OSBPL1A: variants seen among roughly 807,000 people sequenced by gnomAD.
OSBPL1A encodes the protein oxysterol binding protein like 1A.
In OSBPL1A, 80 loss-of-function variants were observed where a neutral mutation model predicts 137.1. The ratio of observed to expected loss-of-function variants is 0.58; its 90% CI spans 0.49 to 0.70. OSBPL1A has a LOEUF of 0.70. OSBPL1A is among the 30% of genes least tolerant of loss of function. The pLI is 0.00. For synonymous variants in OSBPL1A, 365 were observed against 389.7 expected (o/e 0.94, Z 0.75); for missense variants, 970 against 1,129.4 (o/e 0.86, Z 2.02).
intron 5 of OSBPL1A, among the ~76,000 whole-genome samples, chr18:24,340,720 C>T (rs756305647): frequency 5.9e-5 from 9 of 152,008 alleles, no homozygotes; most frequent in East Asian, 1.9e-4. Context: ...GCAGGAGAAT[C>T]GCTTGAACCC....
At chr18:24,336,610 A>G (rs533321622) in intron 5 of OSBPL1A, among the ~76,000 whole-genome samples, 1 of 152,348 alleles carries the variant, frequency 6.6e-6, no homozygotes, top group African/African-American at 2.4e-5. Context: ...AGCAAATGCT[A>G]CAAATCCAAA....
chr18:24,231,509 T>C (rs146133324), intron 16 of OSBPL1A, among the ~76,000 whole-genome samples: 4 of 152,304 alleles, frequency 2.6e-5, no homozygotes, highest in African/African-American at 9.6e-5. Flanking sequence ...AGGCTGGTCT[T>C]GAACTCCGGA....
intron 1 of OSBPL1A, among the ~76,000 whole-genome samples, chr18:24,384,323 C>T (rs567577438): frequency 3.7e-4 from 57 of 152,322 alleles, no homozygotes; most frequent in Middle Eastern, 3.4e-3. Flanking sequence ...CCTGTAATCC[C>T]GGCACTTTGG....
chr18:24,204,146 G>T (rs188775578), intron 17 of OSBPL1A, among the ~76,000 whole-genome samples: 1 of 152,138 alleles, frequency 6.6e-6, no homozygotes, highest in African/African-American at 2.4e-5. Flanking sequence ...TAACAATTTC[G>T]TATCTCACCA....
chr18:24,394,222 A>G (rs546060614), intron 1 of OSBPL1A, among the ~76,000 whole-genome samples: 1 of 152,196 alleles, frequency 6.6e-6, no homozygotes, highest in Non-Finnish European at 1.5e-5. Flanking sequence ...TCTCTTATTC[A>G]TATCCATTCC....
At chr18:24,282,755 T>G (rs933680953) in intron 14 of OSBPL1A, among the ~76,000 whole-genome samples, 4 of 152,182 alleles carry the variant, frequency 2.6e-5, no homozygotes, top group Non-Finnish European at 5.9e-5. Context: ...ATTTAAGAAG[T>G]CTTTTCATCA....
chr18:24,289,660 A>G (rs1212699958), intron 14 of OSBPL1A, among the ~76,000 whole-genome samples: 3 of 151,996 alleles, frequency 2.0e-5, no homozygotes, highest in African/African-American at 7.3e-5. Context: ...ACCTCAGGTG[A>G]TCTGCCGCCT....
chr18:24,317,002 T>G lies in OSBPL1A; in HGVS notation c.870+147A>C, dbSNP rs958337102. On this transcript the variant is annotated intron_variant, in intron 11 of 27. Transcript: ENST00000319481. Reference sequence around the variant, plus strand: ...AAAATGGAGATGCCACGACTTTACTTGTTATCAAATTAAAATATATACAAG... The same window carrying G: ...AAAATGGAGATGCCACGACTTTACTGGTTATCAAATTAAAATATATACAAG... 1.1e-5 allele frequency: 8 copies of G among 704,346 alleles called. No homozygotes were observed. The African/African-American group carries it at 1.4e-4, about 13-fold the overall frequency. 43.6% of individuals were successfully genotyped at this position (704,346 alleles called of 1,614,324 possible). A position where few individuals can be genotyped will look rare whatever the true frequency, so the allele number is the denominator to read the frequency against.
At chr18:24,315,823 T>G (rs1305980877) in intron 11 of OSBPL1A, among the ~76,000 whole-genome samples, 1 of 114,050 alleles carries the variant, frequency 8.8e-6, no homozygotes, top group Non-Finnish European at 1.7e-5. Flanking sequence ...ATAAAATATA[T>G]AATATATAGT....
chr18:24,279,428 CA>C (rs971710133), intron 15 of OSBPL1A, among the ~76,000 whole-genome samples: 6 of 145,704 alleles, frequency 4.1e-5, no homozygotes, highest in African/African-American at 5.0e-5. Flanking sequence ...GACCCTGTCT[CA>C]AAAAAAAAAT....
chr18:24,285,922 C>G (rs1392388596), intron 14 of OSBPL1A, among the ~76,000 whole-genome samples: 2 of 152,006 alleles, frequency 1.3e-5, no homozygotes, highest in Admixed American at 6.6e-5. Flanking sequence ...TTTGGGAGGC[C>G]GAGGCGTGCA....
chr18:24,260,121 C>G (rs1480916377), intron 15 of OSBPL1A, among the ~76,000 whole-genome samples: 2 of 152,034 alleles, frequency 1.3e-5, no homozygotes, highest in African/African-American at 4.8e-5. Flanking sequence ...TGAGATACCA[C>G]TTCACACCTA....
At chr18:24,232,306 A>C (rs2088307659) in intron 16 of OSBPL1A, among the ~76,000 whole-genome samples, 1 of 152,236 alleles carries the variant, frequency 6.6e-6, no homozygotes, top group Non-Finnish European at 1.5e-5. Context: ...TAATTTACTA[A>C]GGAAGTGACA....
In OSBPL1A at chr18:24,178,061, T is replaced by G; in HGVS notation, c.2045A>C (p.Lys682Thr). 6.2e-7 allele frequency: 1 copy of G among 1,614,048 alleles called. No individual in the cohort carries two copies. The highest frequency in any genetic ancestry group is 8.5e-7 in the Non-Finnish European group (1 of 1,179,948). Residue 682 changes from lysine (K) to threonine (T), a missense_variant, in exon 21 of 28, where the codon AAG becomes ACG. Lys to Thr is a moderately conservative substitution (Grantham distance 78). Around this residue, in one of 2 missense-constraint regions of OSBPL1A, gnomAD observed 323 missense variants for 456.8 expected, o/e 0.71. Coordinates refer to ENST00000319481, the MANE Select transcript of OSBPL1A (RefSeq NM_080597.4). ...TCCTTTGGGTTCTGCTTCTACACTC[T>G]TCCCCCAGAATTTCAGTTTGGGATA... ...SIYPKLKFWG[K>T]SVEAEPKGTI...
At chr18:24,164,867 C>T (rs1012414723) in intron 27 of OSBPL1A, among the ~76,000 whole-genome samples, 198 bp downstream of exon 27, 3 of 152,202 alleles carry the variant, frequency 2.0e-5, no homozygotes, top group Admixed American at 6.5e-5. Flanking sequence ...AACAAAGATA[C>T]GGAATCAACC....
intron 1 of OSBPL1A, among the ~76,000 whole-genome samples, chr18:24,385,195 C>T (rs1260372185): frequency 1.3e-5 from 2 of 151,986 alleles, no homozygotes; most frequent in Non-Finnish European, 2.9e-5. Context: ...ACCTCATGAT[C>T]CGCCCGCCCC....
intron 15 of OSBPL1A, among the ~76,000 whole-genome samples, chr18:24,275,180 G>A (rs1338048168): frequency 6.6e-6 from 1 of 152,176 alleles, no homozygotes; most frequent in Admixed American, 6.5e-5. Flanking sequence ...ATTGGAAAAG[G>A]ATGCAGGGAG....
chr18:24,333,603 G>A (rs541421460), intron 6 of OSBPL1A, among the ~76,000 whole-genome samples: 9 of 152,274 alleles, frequency 5.9e-5, no homozygotes, highest in Non-Finnish European at 1.2e-4. Context: ...AGAAACCAAA[G>A]AGGCCCTTTC....
chr18:24,258,540 A>C (rs1196510414), intron 15 of OSBPL1A, among the ~76,000 whole-genome samples: 2 of 152,208 alleles, frequency 1.3e-5, no homozygotes, highest in Non-Finnish European at 2.9e-5. Flanking sequence ...AAAAAATAGA[A>C]AGAATGAATA....
Sources: gnomAD v4.1 joint callset for allele counts (sites outside exome capture counted in the v4.1 genomes callset) on GRCh38, gnomAD v4.1.1 for gene constraint, gnomAD v4.1.1 regional missense constraint, MANE v1.5 for transcripts, NCBI Gene and HGNC (gene_info 2026-07-23, HGNC 2026-07-21) for gene names.